Variants in WDR3 observed in about 807,000 individuals in gnomAD.
The protein encoded by WDR3 is WD repeat-containing protein 3.
WDR3 carries 81 observed loss-of-function variants against 123.7 expected under a neutral mutation model. The observed-to-expected ratio is 0.65, with a 90% CI of 0.55 to 0.79. WDR3 has a LOEUF of 0.79. Ranked by LOEUF, WDR3 falls within the 30% of genes least tolerant of loss-of-function variation. The pLI is 0.00. For missense variants in WDR3, 1,027 were observed against 1,123.2 expected, an observed-to-expected ratio of 0.91 and a Z score of 1.22; for synonymous variants, 390 against 388.8, an observed-to-expected ratio of 1.00 and a Z score of -0.04.
In WDR3 at chr1:117,954,075, C is replaced by T. The variant is rs1651800770; in HGVS notation, c.2337C>T (p.Ala779=). 6.2e-7 allele frequency: 1 copy of T among 1,611,740 alleles called. No homozygotes were observed. The highest frequency in any genetic ancestry group is 1.7e-5 in the Admixed American group (1 of 59,876). The part of the protein sequence containing the change: ...EETAKMKEHK[A]ICKAAGKEVP... ...CTGCAAAAATGAAGGAACACAAAGC[C>T]ATTTGTAAAGCTGCAGGGAAAGAGG... Residue 779 remains alanine (A), a synonymous_variant, in exon 22 of 27, where the codon GCC becomes GCT. Coordinates refer to ENST00000349139, the MANE Select transcript of WDR3 (RefSeq NM_006784.3).
intron 17 of WDR3, 107 bp from the exon 18 acceptor site, chr1:117,952,190 A>T: frequency 7.0e-7 from 1 of 1,434,934 alleles, no homozygotes; most frequent in Non-Finnish European, 9.6e-7. Context: ...GTTCTAAAAT[A>T]TAGTCAGACA....
intron 4 of WDR3, among the ~76,000 whole-genome samples, chr1:117,937,774 GT>G (rs1650997428): frequency 6.6e-6 from 1 of 152,112 alleles, no homozygotes; most frequent in African/African-American, 2.4e-5. Context: ...GGGAAGAGGT[GT>G]TTGAGCAGGA....
Position 117,964,004 on chromosome 1 carries a change from C to A in WDR3, c.*4557C>A. The stretch of plus-strand genomic sequence containing the variant: ...TATTTGCATATATAAACCTAAATAA[C>A]ATTTTAGAATCATAGAATTTCTTCT... On this transcript the variant is annotated 3_prime_UTR_variant, in exon 27 of 27. Coordinates refer to ENST00000349139, the MANE Select transcript of WDR3 (RefSeq NM_006784.3). 3 of 1,516,062 alleles carry A rather than the reference C, an allele frequency of 2.0e-6. No homozygotes were observed. Among genetic ancestry groups the A allele is most frequent in the Non-Finnish European group, 1.8e-6 (2 of 1,118,430 alleles). The allele number at this position is 1,516,062 out of a possible 1,614,324, so 93.9% of individuals were successfully genotyped here.
chr1:117,945,388 C>G (rs1651339441), intron 11 of WDR3, among the ~76,000 whole-genome samples: 1 of 152,098 alleles, frequency 6.6e-6, no homozygotes, highest in Non-Finnish European at 1.5e-5. Context: ...CTGTTGTGCT[C>G]CCTGTTCTTT....
rs1476985503 is a variant in WDR3 at position 117,964,003 on chromosome 1, A to C, written c.*4556A>C. The stretch of plus-strand genomic sequence containing the variant: ...TTATTTGCATATATAAACCTAAATA[A>C]CATTTTAGAATCATAGAATTTCTTC... On this transcript the variant is annotated 3_prime_UTR_variant, in exon 27 of 27. Coordinates refer to ENST00000349139, the MANE Select transcript of WDR3 (RefSeq NM_006784.3). The C allele has an allele frequency of 6.6e-7, 1 of 1,517,166 alleles. No individual in the cohort carries two copies. Among genetic ancestry groups the C allele is most frequent in the African/African-American group, 1.4e-5 (1 of 71,736 alleles). The allele number at this position is 1,517,166 out of a possible 1,614,324, so 94.0% of individuals were successfully genotyped here.
intron 4 of WDR3, among the ~76,000 whole-genome samples, chr1:117,937,464 A>G (rs1650986572): frequency 6.6e-6 from 1 of 152,236 alleles, no homozygotes; most frequent in Admixed American, 6.5e-5. Context: ...GAGGAACCAT[A>G]GTAATGACTC....
intron 3 of WDR3, 100 bp from the exon 4 acceptor site, chr1:117,936,669 T>G (rs1650954076): frequency 2.3e-6 from 2 of 878,460 alleles, no homozygotes; most frequent in African/African-American, 1.7e-5. Context: ...CTGTAAGGAC[T>G]GTGTATTGCC....
chr1:117,958,926 A>G lies in WDR3; in HGVS notation c.2599A>G (p.Ile867Val). The stretch of plus-strand genomic sequence containing the variant: ...TTCTATCAGGATTCACTTTGGACAG[A>G]TCACTAGCAATCAAATGCTTGTGCC... Reference protein sequence around the residue: ...FFLLRIHFGQITSNQMLVPVI... With the variant: ...FFLLRIHFGQVTSNQMLVPVI... Residue 867 changes from isoleucine to valine, a missense_variant, in exon 26 of 27, where the codon ATC (isoleucine) becomes GTC (valine). By Grantham distance (29) the Ile-to-Val change is conservative. Coordinates refer to ENST00000349139, the MANE Select transcript of WDR3 (RefSeq NM_006784.3). The G allele has an allele frequency of 1.2e-6, 2 of 1,614,056 alleles. No individual in the cohort carries two copies. Among genetic ancestry groups the G allele is most frequent in the South Asian group, 1.1e-5 (1 of 91,072 alleles).
chr1:117,939,865 A>G (rs1035570219), intron 6 of WDR3, among the ~76,000 whole-genome samples: 2 of 151,748 alleles, frequency 1.3e-5, no homozygotes, highest in South Asian at 4.2e-4. Context: ...CCTTCAGAAT[A>G]TCTGTGAACC....
intron 1 of WDR3, among the ~76,000 whole-genome samples, chr1:117,930,226 G>C (rs1650656909): frequency 6.6e-6 from 1 of 152,204 alleles, no homozygotes; most frequent in African/African-American, 2.4e-5. Flanking sequence ...GTCGTGAACT[G>C]TCAGAAAGGA....
At chr1:117,938,369 A>G (rs1651014902) in intron 4 of WDR3, 111 bp from the exon 5 acceptor site, 2 of 765,080 alleles carry the variant, frequency 2.6e-6, no homozygotes, top group Non-Finnish European at 2.1e-6. Context: ...AGCTTTAGAC[A>G]TTATTGAAGC....
intron 2 of WDR3, chr1:117,933,715 ATGTC>A: frequency 1.7e-6 from 1 of 584,734 alleles, no homozygotes; most frequent in Non-Finnish European, 3.1e-6. Flanking sequence ...TATTTCTTAG[ATGTC>A]TATTTGTTGG....
intron 12 of WDR3, among the ~76,000 whole-genome samples, chr1:117,947,165 G>A (rs1444940427): frequency 6.6e-6 from 1 of 152,086 alleles, no homozygotes; most frequent in Admixed American, 6.6e-5. Flanking sequence ...CAGAGATGAA[G>A]TATACAAAAC....
intron 11 of WDR3, among the ~76,000 whole-genome samples, chr1:117,944,666 G>A (rs1006907829): frequency 6.6e-6 from 1 of 152,040 alleles, no homozygotes; most frequent in African/African-American, 2.4e-5. Context: ...GCTACCAGTT[G>A]TAGTCTAAAC....
chr1:117,937,047 G>T (rs551165089), intron 4 of WDR3, among the ~76,000 whole-genome samples, 160 bp downstream of exon 4: 2 of 151,978 alleles, frequency 1.3e-5, no homozygotes, highest in Non-Finnish European at 2.9e-5. Context: ...AAGTAGTATC[G>T]TAGAGCTATC....
rs539994793 is a variant in WDR3 at position 117,949,860 on chromosome 1, A to AT, written c.1610+30dup. ...AGGTGAGTAGACATTTTTTGTGTCC[A>AT]TTTTTTGGAGTGAAAATGGGGAGCT... is the stretch of plus-strand genomic sequence containing the variant. On this transcript the variant is annotated intron_variant, in intron 14 of 26. Transcript: ENST00000349139. 2.3e-4 allele frequency: 363 copies of AT among 1,613,040 alleles called. 3 individuals are homozygous for AT. The South Asian group carries it at 2.9e-3, about 13-fold the overall frequency.
chr1:117,955,400 A>G (rs1161819064), intron 24 of WDR3, 42 bp downstream of exon 24: 2 of 1,580,914 alleles, frequency 1.3e-6, no homozygotes, highest in African/African-American at 1.3e-5. Flanking sequence ...TCTGTCAGCA[A>G]ACATTTATGA....
At position 117,946,169 on chromosome 1, in the gene WDR3, T is replaced by C. The variant is rs749522680; in HGVS notation, c.1412T>C (p.Ile471Thr). 6.2e-7 allele frequency: 1 copy of C among 1,610,848 alleles called. No homozygotes were observed. Among genetic ancestry groups the C allele is most frequent in the Non-Finnish European group, 8.5e-7 (1 of 1,178,116 alleles). The change falls in exon 12 of 27, where the codon ATA becomes ACA. Residue 471 changes from isoleucine (I) to threonine (T), a missense_variant. Transcript: ENST00000349139. ...FFVPGDRQVVIGTKTGKLQLY... is the reference protein window; with the variant it reads ...FFVPGDRQVVTGTKTGKLQLY... Reference sequence around the variant, plus strand: ...GTACCTGGTGATAGACAGGTAGTCATAGGAACAAAGGTAAATGGAGACTTT... The same window carrying C: ...GTACCTGGTGATAGACAGGTAGTCACAGGAACAAAGGTAAATGGAGACTTT...
intron 25 of WDR3, 38 bp from the exon 26 acceptor site, chr1:117,958,872 C>T: frequency 6.4e-7 from 1 of 1,566,794 alleles, no homozygotes; most frequent in Non-Finnish European, 8.8e-7. Flanking sequence ...AGGGCTAGAA[C>T]CTCTCTGCAA....
Sources: allele counts gnomAD v4.1 joint callset (sites outside exome capture counted in the v4.1 genomes callset), GRCh38; gene constraint gnomAD v4.1.1; transcripts MANE v1.5; gene names NCBI Gene and HGNC (gene_info 2026-07-23, HGNC 2026-07-21).